CACNA1C: variants seen among roughly 807,000 people sequenced by gnomAD.
The protein encoded by CACNA1C is calcium voltage-gated channel subunit alpha1 C, also known as voltage-dependent L-type calcium channel subunit alpha-1C.
Under a neutral mutation model 229.0 loss-of-function variants are expected in CACNA1C, and 30 were observed. The observed-to-expected ratio is 0.13, with a 90% CI of 0.10 to 0.18. CACNA1C has a LOEUF of 0.18. Among genes scored for constraint, CACNA1C ranks in the 10% least tolerant of loss-of-function variants. The probability of loss-of-function intolerance (pLI) is 1.00; values close to 1 mark genes in which losing one functional copy is unlikely to be tolerated. For synonymous variants in CACNA1C, 1,114 were observed against 1,132.5 expected, an observed-to-expected ratio of 0.98 and a Z score of 0.33; for missense variants, 1,658 against 2,845.0, an observed-to-expected ratio of 0.58 and a Z score of 9.49.
intron 13 of CACNA1C, among the ~76,000 whole-genome samples, chr12:2,571,892 T>C (rs776681995): frequency 3.7e-4 from 57 of 152,212 alleles, no homozygotes; most frequent in Non-Finnish European, 4.7e-4. Context: ...GGAGTGGACA[T>C]TGTGGTCCCT....
intron 3 of CACNA1C, among the ~76,000 whole-genome samples, chr12:2,205,549 C>T: frequency 6.6e-6 from 1 of 152,180 alleles, no homozygotes. Flanking sequence ...TGTTTATTAT[C>T]TGTCACCCCC....
At chr12:2,274,829 A>T (rs184751309) in intron 3 of CACNA1C, among the ~76,000 whole-genome samples, 29 of 152,202 alleles carry the variant, frequency 1.9e-4, no homozygotes, top group African/African-American at 6.5e-4. Context: ...GGAACATGAG[A>T]TGGTGGAGTT....
At chr12:2,431,798 G>T (rs2099087967) in intron 3 of CACNA1C, among the ~76,000 whole-genome samples, 1 of 152,180 alleles carries the variant, frequency 6.6e-6, no homozygotes, top group Admixed American at 6.5e-5. Context: ...GCAGGTGGAG[G>T]TACAGCTGCC....
chr12:2,229,620 T>TAAGACGCC (rs1488588791), intron 3 of CACNA1C, among the ~76,000 whole-genome samples: 2 of 152,090 alleles, frequency 1.3e-5, no homozygotes, highest in Non-Finnish European at 2.9e-5. Flanking sequence ...TACTTTTAAA[T>TAAGACGCC]AAGACGATGA....
chr12:2,677,681 G>A lies in CACNA1C; in HGVS notation c.4957-52G>A. 1 of 1,575,980 alleles carries A rather than the reference G, an allele frequency of 6.3e-7. No individual in the cohort carries two copies. Among genetic ancestry groups the A allele is most frequent in the Non-Finnish European group, 8.6e-7 (1 of 1,162,476 alleles). ...TGGCCCGAGGCTGTGGCTGGCTGGGGAGCTTGGAGGAAAGGGAGCGTGGTC... is the reference window on the plus strand; with the variant it reads ...TGGCCCGAGGCTGTGGCTGGCTGGGAAGCTTGGAGGAAAGGGAGCGTGGTC... On this transcript the variant is annotated intron_variant, in intron 40 of 46. Coordinates refer to ENST00000399655, the MANE Select transcript of CACNA1C (RefSeq NM_000719.7). This position sits in a 1 kb window ranked among gnomAD's most constrained non-coding sequence, Gnocchi z 7.4.
chr12:2,376,400 G>C (rs1201546542), intron 3 of CACNA1C, among the ~76,000 whole-genome samples: 5 of 152,200 alleles, frequency 3.3e-5, no homozygotes, highest in Admixed American at 2.0e-4. Context: ...TGCTTGAGGA[G>C]GGGGGCAAAT....
At position 2,227,807 on chromosome 12, in the gene CACNA1C, T is replaced by C. The variant is rs147074820; in HGVS notation, c.477+107377T>C. 2.0e-3 allele frequency among the ~76,000 whole-genome samples: 305 copies of C among 152,394 alleles called. 1 individual carries two copies. Among genetic ancestry groups the C allele is most frequent in the African/African-American group, 7.1e-3 (294 of 41,592 alleles). On this transcript the variant is annotated intron_variant, in intron 3 of 46. Transcript: ENST00000399655. ...CAATCTAAACTAATAGGTTACACTTTAGTTGGCACCATTTTTTCTTTCTCA... is the reference window on the plus strand; with the variant it reads ...CAATCTAAACTAATAGGTTACACTTCAGTTGGCACCATTTTTTCTTTCTCA...
At chr12:2,073,013 C>T (rs937333898) in intron 1 of CACNA1C, among the ~76,000 whole-genome samples, 7 of 152,168 alleles carry the variant, frequency 4.6e-5, no homozygotes, top group South Asian at 4.2e-4. Context: ...TGTGCTAGAG[C>T]GGACAGTGGG....
intron 5 of CACNA1C, among the ~76,000 whole-genome samples, chr12:2,460,387 A>G (rs1444026208): frequency 6.6e-6 from 1 of 152,248 alleles, no homozygotes; most frequent in Non-Finnish European, 1.5e-5. Flanking sequence ...AGCCTACCAC[A>G]AAGAGACTGA....
In CACNA1C at chr12:2,677,871, G is replaced by A. The variant is rs2096901252; in HGVS notation, c.5091+4G>A. 1 of 1,613,904 alleles carries A rather than the reference G, an allele frequency of 6.2e-7. No homozygotes were observed. Among genetic ancestry groups the A allele is most frequent in the East Asian group, 2.2e-5 (1 of 44,862 alleles). On this transcript the variant is annotated splice_donor_region_variant and intron_variant, in intron 41 of 46. Coordinates refer to ENST00000399655, the MANE Select transcript of CACNA1C (RefSeq NM_000719.7). The surrounding 1 kb of genome is among the most constrained non-coding windows in gnomAD (Gnocchi z 7.4). ...TTCTGAAGATGACATCTTCAGGGTG[G>A]GTGGTGCCATGGCGCACTCTCGACC...
chr12:2,061,554 G>A (rs2154516747), intron 1 of CACNA1C, among the ~76,000 whole-genome samples: 1 of 139,166 alleles, frequency 7.2e-6, no homozygotes, highest in Middle Eastern at 3.7e-3. Flanking sequence ...TGCTGGCACT[G>A]CTGCTGTTTC....
intron 3 of CACNA1C, among the ~76,000 whole-genome samples, chr12:2,173,685 A>G (rs1355995829): frequency 6.6e-6 from 1 of 152,092 alleles, no homozygotes; most frequent in East Asian, 1.9e-4. Flanking sequence ...ATCCAGCTCA[A>G]GCCCTACCCC....
intron 3 of CACNA1C, among the ~76,000 whole-genome samples, chr12:2,373,314 C>T (rs1265425873): frequency 6.6e-6 from 1 of 152,186 alleles, no homozygotes; most frequent in African/African-American, 2.4e-5. Context: ...CTGAATAACA[C>T]GAACGGGGTT....
chr12:2,654,038 C>G lies in CACNA1C; in HGVS notation c.4140+138C>G. 1 of 712,082 alleles carries G rather than the reference C, an allele frequency of 1.4e-6. No homozygotes were observed. 44.1% of individuals were successfully genotyped at this position (712,082 alleles called of 1,614,324 possible). ...GTCCCTCTCCCTCCTCTTCCATTTTCTGAGGCCCAAAAAGCCACAGGAATT... is the reference window on the plus strand; with the variant it reads ...GTCCCTCTCCCTCCTCTTCCATTTTGTGAGGCCCAAAAAGCCACAGGAATT... On this transcript the variant is annotated intron_variant, in intron 33 of 46. Transcript: ENST00000399655. This position sits in a 1 kb window ranked among gnomAD's most constrained non-coding sequence, Gnocchi z 4.4.
In CACNA1C at chr12:2,428,914, C is replaced by T. The variant is rs546871797; in HGVS notation, c.478-20062C>T. On this transcript the variant is annotated intron_variant, in intron 3 of 46. Transcript: ENST00000399655. ...TTAGGTGATGTCCTTGTGTTAGTTA[C>T]TTAAGGTTGCTGTCACAAAGTACCA... 2.0e-5 allele frequency among the ~76,000 whole-genome samples: 3 copies of T among 152,242 alleles called. No individual in the cohort carries two copies. In the East Asian group the frequency reaches 5.8e-4, roughly 29 times the overall value.
At chr12:2,389,892 G>T (rs1216462822) in intron 3 of CACNA1C, among the ~76,000 whole-genome samples, 1 of 152,056 alleles carries the variant, frequency 6.6e-6, no homozygotes, top group East Asian at 1.9e-4. Context: ...GTGAATTCCC[G>T]TATTTCCCTC....
At chr12:2,296,561 A>G (rs1244921514) in intron 3 of CACNA1C, among the ~76,000 whole-genome samples, 3 of 152,214 alleles carry the variant, frequency 2.0e-5, no homozygotes, top group Non-Finnish European at 2.9e-5. Context: ...TGCTGCTTTC[A>G]GAATATCCTC....
At chr12:2,499,835 G>T (rs1004970444) in intron 7 of CACNA1C, among the ~76,000 whole-genome samples, 1 of 151,620 alleles carries the variant, frequency 6.6e-6, no homozygotes, top group Admixed American at 6.6e-5. Flanking sequence ...TTTATTCTTT[G>T]TCTTCTTAAT....
chr12:2,194,938 C>T (rs929544462), intron 3 of CACNA1C, among the ~76,000 whole-genome samples: 1 of 152,170 alleles, frequency 6.6e-6, no homozygotes, highest in African/African-American at 2.4e-5. Context: ...ACACTTTATT[C>T]CCAAGAGCAA....
Sources: gnomAD v4.1 joint callset for allele counts (sites outside exome capture counted in the v4.1 genomes callset) on GRCh38, gnomAD v4.1.1 for gene constraint, Gnocchi (gnomAD v3.1) non-coding constraint, MANE v1.5 for transcripts, NCBI Gene and HGNC (gene_info 2026-07-23, HGNC 2026-07-21) for gene names.